CADPS2: variants seen among roughly 807,000 people sequenced by gnomAD.
The protein encoded by CADPS2 is calcium-dependent secretion activator 2.
In CADPS2, 93 loss-of-function variants were observed where a neutral mutation model predicts 172.5. The ratio of observed to expected loss-of-function variants is 0.54; its 90% CI spans 0.46 to 0.64. The LOEUF (loss-of-function observed/expected upper bound fraction) is 0.64. CADPS2 is among the 30% of genes least tolerant of loss of function. The pLI is 0.00. For synonymous variants in CADPS2, 546 were observed against 555.2 expected (o/e 0.98, Z 0.23); for missense variants, 1,420 against 1,565.9 (o/e 0.91, Z 1.57).
chr7:122,594,116 A>G (rs1474893967), intron 6 of CADPS2, among the ~76,000 whole-genome samples: 1 of 152,042 alleles, frequency 6.6e-6, no homozygotes, highest in Non-Finnish European at 1.5e-5. Context: ...TGATGGAAAG[A>G]TAACACAAAG....
chr7:122,700,075 C>T (rs180996213), intron 2 of CADPS2, among the ~76,000 whole-genome samples: 1 of 152,270 alleles, frequency 6.6e-6, no homozygotes, highest in Non-Finnish European at 1.5e-5. Context: ...TAAAGGATGG[C>T]ATGTGGACTC....
At chr7:122,403,993 CTTG>C (rs1436744971) in intron 20 of CADPS2, among the ~76,000 whole-genome samples, 1 of 151,848 alleles carries the variant, frequency 6.6e-6, no homozygotes, top group Non-Finnish European at 1.5e-5. Flanking sequence ...TTAATAATGC[CTTG>C]TTTTTTTTAT....
intron 9 of CADPS2, among the ~76,000 whole-genome samples, chr7:122,507,665 A>T (rs1586721629): frequency 1.3e-5 from 2 of 152,220 alleles, no homozygotes; most frequent in Non-Finnish European, 2.9e-5. Context: ...TCATAATGTG[A>T]GTTATGCTTT....
chr7:122,768,997 T>C (rs557224571), intron 1 of CADPS2, among the ~76,000 whole-genome samples: 1 of 151,812 alleles, frequency 6.6e-6, no homozygotes, highest in Admixed American at 6.6e-5. Context: ...GTCAGATCTA[T>C]ATTTCTAGAT....
At chr7:122,374,560 G>C (rs1051113354) in intron 25 of CADPS2, among the ~76,000 whole-genome samples, 2 of 151,990 alleles carry the variant, frequency 1.3e-5, no homozygotes, top group African/African-American at 4.8e-5. Flanking sequence ...CTACAAAAAA[G>C]AACTGTTAGA....
At chr7:122,418,225 G>A (rs2048159013) in intron 17 of CADPS2, among the ~76,000 whole-genome samples, 1 of 151,422 alleles carries the variant, frequency 6.6e-6, no homozygotes, top group Non-Finnish European at 1.5e-5. Flanking sequence ...TCAGGCACAA[G>A]CCAGGGCGCT....
intron 9 of CADPS2, among the ~76,000 whole-genome samples, chr7:122,505,579 ACT>A (rs777912716): frequency 7.9e-5 from 12 of 152,256 alleles, no homozygotes; most frequent in South Asian, 2.1e-4. Context: ...ACAGACCTAG[ACT>A]CTGTCATAGA....
In CADPS2 at chr7:122,422,578, C is replaced by T. The variant is rs144656220; in HGVS notation, c.2477-6414G>A. On this transcript the variant is annotated intron_variant, in intron 17 of 29. Transcript: ENST00000449022. ...ATACACAATGCTTTGGGCACATAAACAAATTGTTCTAATTACAGAGATCAG... is the reference window on the plus strand; with the variant it reads ...ATACACAATGCTTTGGGCACATAAATAAATTGTTCTAATTACAGAGATCAG... 2.4e-3 allele frequency among the ~76,000 whole-genome samples: 360 copies of T among 152,210 alleles called. 2 individuals are homozygous for T. Among genetic ancestry groups the T allele is most frequent in the African/African-American group, 8.3e-3 (344 of 41,524 alleles).
chr7:122,810,367 G>T (rs1723741148), intron 1 of CADPS2, among the ~76,000 whole-genome samples: 1 of 152,100 alleles, frequency 6.6e-6, no homozygotes, highest in Admixed American at 6.6e-5. Context: ...CAGACCAGAA[G>T]GTGAAACTGG....
chr7:122,736,904 A>C (rs1463210810), intron 2 of CADPS2, 51 bp downstream of exon 2: 6 of 931,962 alleles, frequency 6.4e-6, no homozygotes, highest in Non-Finnish European at 1.0e-5. Flanking sequence ...AAATAATAAA[A>C]CTCCTTTTAA....
At chr7:122,661,738 C>T (rs950289193) in intron 3 of CADPS2, among the ~76,000 whole-genome samples, 3 of 152,048 alleles carry the variant, frequency 2.0e-5, no homozygotes, top group African/African-American at 7.2e-5. Flanking sequence ...TATGTTTTTT[C>T]GCTCAACTTG....
intron 1 of CADPS2, among the ~76,000 whole-genome samples, chr7:122,803,066 T>C (rs1037481786): frequency 4.6e-5 from 7 of 152,236 alleles, no homozygotes; most frequent in Non-Finnish European, 1.0e-4. Context: ...TGTTATTGTA[T>C]GCATAGGTAT....
Position 122,645,658 on chromosome 7 carries a change from G to GATAT in CADPS2, c.787-16334_787-16331dup, listed in dbSNP as rs71161314. Among the ~76,000 whole-genome samples the GATAT allele has an allele frequency of 9.1e-3, 965 of 106,576 alleles. 19 individuals carry two copies. Among genetic ancestry groups the GATAT allele is most frequent in the African/African-American group, 0.032 (884 of 27,982 alleles). 69.9% of individuals were successfully genotyped at this position (106,576 alleles called of 152,430 possible). A position where few individuals can be genotyped will look rare whatever the true frequency, so the allele number is the denominator to read the frequency against. ...TACTCTAAGATACATATATCTCTAA[G>GATAT]ATATATATATATATATATATATATC... On this transcript the variant is annotated intron_variant, in intron 3 of 29. Coordinates refer to ENST00000449022, the MANE Select transcript of CADPS2 (RefSeq NM_017954.11).
At chr7:122,734,373 A>AAAAAAAAAAAAAAC in intron 2 of CADPS2, among the ~76,000 whole-genome samples, 1 of 93,866 alleles carries the variant, frequency 1.1e-5, no homozygotes, top group East Asian at 2.2e-4. Flanking sequence ...AAAAAAAAAA[A>AAAAAAAAAAAAAAC]AAAAAAAAAA....
rs1424686825 is a variant in CADPS2 at position 122,368,141 on chromosome 7, C to T, written c.3388-7128G>A. On this transcript the variant is annotated intron_variant, in intron 25 of 29. Transcript: ENST00000449022. ...TGATCTGCCTACCTCGACCTCCCAA[C>T]GTACTGGGATTACAAGTGTGAGCCA... 2.0e-5 allele frequency: 3 copies of T among 152,274 alleles called. No homozygotes were observed. The South Asian group carries it at 6.2e-4, about 32-fold the overall frequency. 9.4% of individuals were successfully genotyped at this position (152,274 alleles called of 1,614,324 possible).
At chr7:122,670,506 T>C (rs2081707545) in intron 2 of CADPS2, among the ~76,000 whole-genome samples, 2 of 151,466 alleles carry the variant, frequency 1.3e-5, no homozygotes, top group South Asian at 4.2e-4. Context: ...AGGAGTTCTT[T>C]TTTTTTTTTG....
intron 9 of CADPS2, among the ~76,000 whole-genome samples, chr7:122,498,136 C>T (rs563346731): frequency 2.6e-5 from 4 of 152,068 alleles, no homozygotes; most frequent in South Asian, 4.1e-4. Flanking sequence ...TTAATAGAGA[C>T]GGGGGTTCAC....
intron 9 of CADPS2, among the ~76,000 whole-genome samples, chr7:122,500,140 A>G (rs909634744): frequency 1.3e-5 from 2 of 152,140 alleles, no homozygotes; most frequent in Non-Finnish European, 2.9e-5. Context: ...TATGTTTAAA[A>G]TTCCATTTCT....
At chr7:122,722,425 G>A (rs28879744) in intron 2 of CADPS2, among the ~76,000 whole-genome samples, 22,441 of 150,894 alleles carry the variant, frequency 0.15, 1,718 homozygotes, top group Non-Finnish European at 0.16. Context: ...CAAATCATGA[G>A]TGAACTCCCA....
Sources: allele counts gnomAD v4.1 joint callset (sites outside exome capture counted in the v4.1 genomes callset), GRCh38; gene constraint gnomAD v4.1.1; transcripts MANE v1.5; gene names NCBI Gene and HGNC (gene_info 2026-07-23, HGNC 2026-07-21).